The following NUBP1 variants were observed in gnomAD, a reference collection of about 807,000 sequenced individuals.
The protein encoded by NUBP1 is NUBP iron-sulfur cluster assembly factor 1, cytosolic.
In NUBP1, 46 loss-of-function variants were observed where a neutral mutation model predicts 41.8. The observed-to-expected ratio is 1.10, with a 90% CI of 0.87 to 1.41. The LOEUF is 1.41. Among genes scored for constraint, NUBP1 ranks in the 40% most tolerant of loss-of-function variants. NUBP1 has a pLI of 0.00. For synonymous variants in NUBP1, 189 were observed against 154.6 expected, an observed-to-expected ratio of 1.22 and a Z score of -1.65; for missense variants, 494 against 414.0, an observed-to-expected ratio of 1.19 and a Z score of -1.68.
At chr16:10,761,306 C>A (rs750501348) in intron 7 of NUBP1, 58 bp from the exon 8 acceptor site, 8 of 1,520,346 alleles carry the variant, frequency 5.3e-6, no homozygotes, top group Non-Finnish European at 4.6e-6. Context: ...CTCGGTTGCA[C>A]AGACATTCCC....
Position 10,744,052 on chromosome 16 carries a change from C to G in NUBP1, c.111C>G (p.Ala37=). 6.3e-7 allele frequency: 1 copy of G among 1,580,554 alleles called. No homozygotes were observed. Residue 37 remains alanine, a synonymous_variant, in exon 2 of 11, where the codon GCC becomes GCG. Transcript: ENST00000283027. ...NQRLCASGAG[A]TPDTAIEEIK... is the part of the protein sequence containing the mutation. ...GGCTGTGCGCTTCTGGAGCGGGGGC[C>G]ACTCCGGACACGGGTGAGAAAAGGG...
At chr16:10,747,749 G>C (rs1084552) in intron 3 of NUBP1, among the ~76,000 whole-genome samples, 36,997 of 152,162 alleles carry the variant, frequency 0.24, 4,850 homozygotes, top group South Asian at 0.35. Flanking sequence ...GGATTCCCTA[G>C]CCAAGAAAAT....
Position 10,761,360 on chromosome 16 carries a change from G to T in NUBP1, c.607-4G>T, listed in dbSNP as rs760431991. 2 of 1,613,184 alleles carry T rather than the reference G, an allele frequency of 1.2e-6. No individual in the cohort carries two copies. The highest frequency in any genetic ancestry group is 1.7e-6 in the Non-Finnish European group (2 of 1,179,326). Reference sequence around the variant, plus strand: ...TGGAATCACTGGTCTTTTCACCTTCGTAGGAGGTGTCACTCCAGGATGTCC... The same window carrying T: ...TGGAATCACTGGTCTTTTCACCTTCTTAGGAGGTGTCACTCCAGGATGTCC... On this transcript the variant is annotated splice_region_variant and splice_polypyrimidine_tract_variant and intron_variant, in intron 7 of 10. Coordinates refer to ENST00000283027, the MANE Select transcript of NUBP1 (RefSeq NM_002484.4).
At chr16:10,758,362 A>G (rs1050727864) in intron 7 of NUBP1, among the ~76,000 whole-genome samples, 12 of 152,140 alleles carry the variant, frequency 7.9e-5, no homozygotes, top group Admixed American at 7.9e-4. Context: ...AGTTCCAGCT[A>G]CTTGGGAGGC....
chr16:10,762,228 G>A (rs1344951027), intron 9 of NUBP1: 1 of 178,904 alleles, frequency 5.6e-6, no homozygotes. Flanking sequence ...AAATCCCTTA[G>A]GAAGGGGCCG....
In NUBP1 at chr16:10,752,573, C is replaced by T. The variant is rs767010976; in HGVS notation, c.259-37C>T. 1.9e-6 allele frequency: 3 copies of T among 1,558,120 alleles called. No homozygotes were observed. The East Asian group carries it at 6.7e-5, about 35-fold the overall frequency. ...TGTGTGTGTCTGGAGTGTGTGCATT[C>T]AGTTATATAACCGCTTTGGTCTCTT... On this transcript the variant is annotated intron_variant, in intron 3 of 10. Coordinates refer to ENST00000283027, the MANE Select transcript of NUBP1 (RefSeq NM_002484.4).
intron 4 of NUBP1, among the ~76,000 whole-genome samples, chr16:10,753,717 G>A (rs1900426560): frequency 6.6e-6 from 1 of 152,134 alleles, no homozygotes; most frequent in African/African-American, 2.4e-5. Context: ...GTAGGGCAGA[G>A]TCAGAGGGGC....
chr16:10,754,892 A>G (rs1452722468), intron 4 of NUBP1, among the ~76,000 whole-genome samples: 1 of 152,018 alleles, frequency 6.6e-6, no homozygotes, highest in Non-Finnish European at 1.5e-5. Flanking sequence ...AAAAAATACA[A>G]AAATTAGCTG....
rs1205354612 is a variant in NUBP1 at position 10,757,600 on chromosome 16, T to C, written c.452-273T>C. Among the ~76,000 whole-genome samples, 2 of 152,118 alleles carry C rather than the reference T, an allele frequency of 1.3e-5. No homozygotes were observed. The highest frequency in any genetic ancestry group is 2.4e-5 in the African/African-American group (1 of 41,418). ...TGACAACCCAAAATGTCTCCAGACA[T>C]TGCAATTCACTCCCAGTTGAGAGCC... On this transcript the variant is annotated intron_variant, in intron 6 of 10. Coordinates refer to ENST00000283027, the MANE Select transcript of NUBP1 (RefSeq NM_002484.4). The surrounding 1 kb of genome is among the most constrained non-coding windows in gnomAD (Gnocchi z 4.1).
chr16:10,761,214 A>G, intron 7 of NUBP1, 150 bp from the exon 8 acceptor site: 1 of 606,480 alleles, frequency 1.6e-6, no homozygotes, highest in Non-Finnish European at 2.9e-6. Context: ...TGAGATTTGG[A>G]TGGGGACACA....
intron 2 of NUBP1, among the ~76,000 whole-genome samples, chr16:10,744,384 C>T (rs1239444156): frequency 1.3e-5 from 2 of 152,190 alleles, no homozygotes; most frequent in African/African-American, 4.8e-5. Flanking sequence ...GTTTGAGTGA[C>T]AATAACAGAC....
chr16:10,750,435 T>C (rs1900267569), intron 3 of NUBP1, among the ~76,000 whole-genome samples: 1 of 152,148 alleles, frequency 6.6e-6, no homozygotes, highest in African/African-American at 2.4e-5. Context: ...AGAGACAGGG[T>C]TTCACTATGT....
At chr16:10,762,573 G>C (rs2030110206) in intron 9 of NUBP1, among the ~76,000 whole-genome samples, 1 of 152,142 alleles carries the variant, frequency 6.6e-6, no homozygotes, top group Non-Finnish European at 1.5e-5. Flanking sequence ...CTCCGTTACT[G>C]GGGCCCTTTA....
intron 9 of NUBP1, among the ~76,000 whole-genome samples, chr16:10,762,372 G>A (rs879532327): frequency 7.2e-5 from 11 of 152,326 alleles, no homozygotes; most frequent in Non-Finnish European, 1.5e-4. Flanking sequence ...TCTTAAGTAC[G>A]TGGGTCTCCC....
chr16:10,744,111 C>T (rs1301698281), intron 2 of NUBP1, 46 bp downstream of exon 2: 1 of 898,266 alleles, frequency 1.1e-6, no homozygotes. Flanking sequence ...GGCGCAGGCC[C>T]GGAAAAGGCG....
intron 3 of NUBP1, 81 bp downstream of exon 3, chr16:10,747,357 G>A (rs1235344716): frequency 1.9e-6 from 3 of 1,560,926 alleles, no homozygotes; most frequent in East Asian, 4.5e-5. Context: ...TCCTAGGCCA[G>A]GCGCAGTGGT....
intron 9 of NUBP1, among the ~76,000 whole-genome samples, chr16:10,763,009 C>T (rs1338873280): frequency 1.3e-5 from 2 of 151,998 alleles, no homozygotes; most frequent in Non-Finnish European, 2.9e-5. Context: ...TGGGTTCTGG[C>T]GTTGGTGTAG....
At chr16:10,751,051 G>A (rs929427399) in intron 3 of NUBP1, among the ~76,000 whole-genome samples, 4 of 152,200 alleles carry the variant, frequency 2.6e-5, no homozygotes, top group South Asian at 2.1e-4. Context: ...ACCCAGGGCC[G>A]TCCTGGCCAT....
At position 10,769,125 on chromosome 16, in the gene NUBP1, C is replaced by G. The variant is rs767967750; in HGVS notation, c.*20C>G. Reference sequence around the variant, plus strand: ...TCCTGAAACGAGAGAATGTTCAGGACCAAGCAGTTACCGAGCGAGGCACTC... The same window carrying G: ...TCCTGAAACGAGAGAATGTTCAGGAGCAAGCAGTTACCGAGCGAGGCACTC... On this transcript the variant is annotated 3_prime_UTR_variant, in exon 11 of 11. Transcript: ENST00000283027. 6.2e-7 allele frequency: 1 copy of G among 1,612,018 alleles called. No homozygotes were observed. The highest frequency in any genetic ancestry group is 1.7e-5 in the Admixed American group (1 of 60,006).
Sources: allele counts gnomAD v4.1 joint callset (sites outside exome capture counted in the v4.1 genomes callset), GRCh38; gene constraint gnomAD v4.1.1; non-coding constraint Gnocchi (gnomAD v3.1); transcripts MANE v1.5; gene names NCBI Gene and HGNC (gene_info 2026-07-23, HGNC 2026-07-21).